Variants in CRYBA4 observed in about 807,000 individuals in gnomAD.
CRYBA4 encodes the protein beta-crystallin A4.
A neutral mutation model predicts 31.7 loss-of-function variants in CRYBA4; 30 were observed. The ratio of observed to expected loss-of-function variants is 0.95; its 90% CI spans 0.71 to 1.28. CRYBA4 has a LOEUF of 1.28. CRYBA4 is among the 50% of genes most tolerant of loss of function. CRYBA4 has a pLI of 0.00. For missense variants in CRYBA4, 225 were observed against 260.7 expected (o/e 0.86, Z 0.94); for synonymous variants, 102 against 102.3 (o/e 1.00, Z 0.02).
At chr22:26,605,597 C>G in the CRYBA4 span, among the ~76,000 whole-genome samples, 1 of 142,224 alleles carries the variant, frequency 7.0e-6, no homozygotes, top group African/African-American at 2.6e-5. Flanking sequence ...TTGCTTGCCC[C>G]AGGGAGGTGA....
At chr22:26,624,877 G>T (rs1440114114) in intron 3 of CRYBA4, among the ~76,000 whole-genome samples, 1 of 152,190 alleles carries the variant, frequency 6.6e-6, no homozygotes, top group Non-Finnish European at 1.5e-5. Flanking sequence ...TGTCGCCTGT[G>T]GGGAGGCGAG....
chr22:26,598,702 G>A, the CRYBA4 span, among the ~76,000 whole-genome samples: 1 of 152,232 alleles, frequency 6.6e-6, no homozygotes, highest in Admixed American at 6.5e-5. Context: ...TGCTTTCTAT[G>A]TATATGATGC....
chr22:26,625,439 G>T, intron 3 of CRYBA4, 42 bp from the exon 4 acceptor site: 1 of 1,609,970 alleles, frequency 6.2e-7, no homozygotes. Flanking sequence ...TGCAGGGTGA[G>T]GGGGACGCTT....
chr22:26,607,853 G>A, the CRYBA4 span: 3 of 1,613,898 alleles, frequency 1.9e-6, no homozygotes, highest in Non-Finnish European at 2.5e-6. Flanking sequence ...TGCCCCGCCT[G>A]GCTGATTCTC....
upstream of CRYBA4, among the ~76,000 whole-genome samples, chr22:26,618,833 G>A (rs1929447274): frequency 6.6e-6 from 1 of 152,170 alleles, no homozygotes; most frequent in South Asian, 2.1e-4. Context: ...CGGAGACCTG[G>A]GTCTTTTTCT....
the CRYBA4 span, among the ~76,000 whole-genome samples, chr22:26,596,398 C>T: frequency 0.011 from 1,634 of 152,186 alleles, 14 homozygotes; most frequent in Non-Finnish European, 0.015. Context: ...TGCCTGGCCG[C>T]AAAGAGGTTT....
the CRYBA4 span, among the ~76,000 whole-genome samples, chr22:26,605,283 G>A: frequency 6.6e-6 from 1 of 152,152 alleles, no homozygotes; most frequent in East Asian, 1.9e-4. Flanking sequence ...CTTTTTGATA[G>A]CTGCCTCCCT....
chr22:26,627,376 CTTT>C (rs1929745483), intron 4 of CRYBA4, among the ~76,000 whole-genome samples: 2 of 58,480 alleles, frequency 3.4e-5, no homozygotes, highest in African/African-American at 2.5e-4. Context: ...TTCTTTCTTT[CTTT>C]CTTTCTTTCT....
upstream of CRYBA4, among the ~76,000 whole-genome samples, chr22:26,618,883 C>G (rs1929448698): frequency 6.6e-6 from 1 of 152,212 alleles, no homozygotes; most frequent in African/African-American, 2.4e-5. Flanking sequence ...GACCTATCGA[C>G]AGTGATCCCT....
chr22:26,607,932 C>A, the CRYBA4 span: 1 of 1,614,236 alleles, frequency 6.2e-7, no homozygotes, highest in East Asian at 2.2e-5. Context: ...ACTGCGGTAG[C>A]TGCTCGACCA....
chr22:26,626,173 G>C (rs1017509960), intron 4 of CRYBA4, among the ~76,000 whole-genome samples: 1 of 152,124 alleles, frequency 6.6e-6, no homozygotes, highest in Non-Finnish European at 1.5e-5. Flanking sequence ...AGGCCAAGGC[G>C]GGTAGATCAC....
chr22:26,612,324 C>T, the CRYBA4 span: 2 of 662,982 alleles, frequency 3.0e-6, no homozygotes, highest in Non-Finnish European at 5.5e-6. Flanking sequence ...GTGAAATGAT[C>T]CTGTCCTCCC....
chr22:26,621,809 G>C (rs1929541319), upstream of CRYBA4, among the ~76,000 whole-genome samples: 1 of 152,176 alleles, frequency 6.6e-6, no homozygotes, highest in African/African-American at 2.4e-5. Context: ...TTCCCTCCCT[G>C]CTAAAGCCAG....
At chr22:26,607,743 C>T in the CRYBA4 span, 1 of 1,077,190 alleles carries the variant, frequency 9.3e-7, no homozygotes, top group African/African-American at 1.5e-5. Context: ...TTGATGAGCT[C>T]AAGAATCCAC....
intron 4 of CRYBA4, among the ~76,000 whole-genome samples, chr22:26,627,359 CCTTTCTTTCTTTCTTTCTTTCTTTCTTT>C (rs1245733367): frequency 1.4e-4 from 6 of 41,814 alleles, no homozygotes; most frequent in Admixed American, 2.9e-4. Flanking sequence ...CTCCCTCCCT[CCTTTCTTTCTTTCTTTCTTTCTTTCTTT>C]CTTTCTTTCT....
chr22:26,599,909 A>C, the CRYBA4 span, among the ~76,000 whole-genome samples: 29 of 152,272 alleles, frequency 1.9e-4, no homozygotes, highest in South Asian at 5.0e-3. Context: ...TTTTATTAAG[A>C]GTGCTGGGGG....
At chr22:26,616,395 TA>T in the CRYBA4 span, 2 of 1,143,304 alleles carry the variant, frequency 1.7e-6, no homozygotes, top group African/African-American at 3.0e-5. Flanking sequence ...CCTGCCCTCA[TA>T]GCCCCACATC....
chr22:26,594,634 T>C, the CRYBA4 span, among the ~76,000 whole-genome samples: 1 of 152,102 alleles, frequency 6.6e-6, no homozygotes, highest in Admixed American at 6.5e-5. Flanking sequence ...GAGGTTGTGG[T>C]GGGCTGAGAT....
At position 26,630,352 on chromosome 22, in the gene CRYBA4, C is replaced by A. The variant is rs151053660; in HGVS notation, c.456C>A (p.Ser152=). Residue 152 remains serine, a synonymous_variant, in exon 6 of 6, where the codon TCC becomes TCA. Transcript: ENST00000354760. ...TTCTCTTTTCCAGCTGGGTTTGCTC[C>A]CAGTTTCCGGGCTACCGAGGATTTC... is the stretch of plus-strand genomic sequence containing the variant. ...FHVHSGAWVC[S]QFPGYRGFQY... 121 of 1,614,084 alleles carry A rather than the reference C, an allele frequency of 7.5e-5. No homozygotes were observed. The highest frequency in any genetic ancestry group is 9.7e-5 in the Non-Finnish European group (114 of 1,180,016).
Sources: gnomAD v4.1 joint callset for allele counts (sites outside exome capture counted in the v4.1 genomes callset) on GRCh38, gnomAD v4.1.1 for gene constraint, MANE v1.5 for transcripts, NCBI Gene and HGNC (gene_info 2026-07-23, HGNC 2026-07-21) for gene names.